The following DTNB variants were observed in gnomAD, a reference collection of about 807,000 sequenced individuals.
DTNB encodes the protein DTN-B.
A neutral mutation model predicts 90.7 loss-of-function variants in DTNB; 63 were observed. The observed-to-expected ratio is 0.69, with a 90% CI of 0.57 to 0.86. The LOEUF (loss-of-function observed/expected upper bound fraction) is 0.86. DTNB is among the 40% of genes least tolerant of loss of function. The pLI is 0.00. For missense variants in DTNB, 744 were observed against 807.1 expected (o/e 0.92, Z 0.95); for synonymous variants, 277 against 286.7 (o/e 0.97, Z 0.34).
intron 14 of DTNB, 194 bp from the exon 15 acceptor site, chr2:25,427,825 G>T: frequency 4.4e-6 from 2 of 452,948 alleles, no homozygotes; most frequent in Non-Finnish European, 7.8e-6. Flanking sequence ...GAGAATAATA[G>T]GTAAAAGTGC....
intron 9 of DTNB, among the ~76,000 whole-genome samples, chr2:25,498,436 T>C (rs1558771856): frequency 6.6e-6 from 1 of 151,934 alleles, no homozygotes; most frequent in Non-Finnish European, 1.5e-5. Context: ...ATCAGAAATA[T>C]AATAAAAACA....
chr2:25,461,076 G>A (rs1490160960), intron 10 of DTNB, among the ~76,000 whole-genome samples: 1 of 152,106 alleles, frequency 6.6e-6, no homozygotes, highest in East Asian at 1.9e-4. Flanking sequence ...GCTAATTTTT[G>A]TATTTTTAGT....
At chr2:25,481,411 T>TAAAA (rs5829978) in intron 10 of DTNB, among the ~76,000 whole-genome samples, 2 of 141,764 alleles carry the variant, frequency 1.4e-5, no homozygotes, top group Non-Finnish European at 3.0e-5. Flanking sequence ...TCTCCAAATT[T>TAAAA]AAAAAAAAAA....
At chr2:25,442,842 C>T (rs1057106033) in intron 12 of DTNB, among the ~76,000 whole-genome samples, 1 of 152,142 alleles carries the variant, frequency 6.6e-6, no homozygotes, top group African/African-American at 2.4e-5. Context: ...TTTGTAAAGT[C>T]ACATTGGGAA....
intron 3 of DTNB, among the ~76,000 whole-genome samples, chr2:25,636,284 T>C (rs1218913438): frequency 6.6e-6 from 1 of 152,186 alleles, no homozygotes; most frequent in African/African-American, 2.4e-5. Flanking sequence ...CAACTGAACA[T>C]ACATATGGAA....
In DTNB at chr2:25,387,739, T is replaced by G. The variant is rs908451174; in HGVS notation, c.1736-361A>C. ...ACCACTACCACCTCCCCTTCTCACCTCCAGCCCCAGCAGGACTTCCCTCTG... is the reference window on the plus strand; with the variant it reads ...ACCACTACCACCTCCCCTTCTCACCGCCAGCCCCAGCAGGACTTCCCTCTG... On this transcript the variant is annotated intron_variant, in intron 17 of 20. Coordinates refer to ENST00000406818, the MANE Select transcript of DTNB (RefSeq NM_021907.5). This position sits in a 1 kb window ranked among gnomAD's most constrained non-coding sequence, Gnocchi z 4.5. Among the ~76,000 whole-genome samples the G allele has an allele frequency of 6.6e-5, 10 of 152,060 alleles. No homozygotes were observed. Among genetic ancestry groups the G allele is most frequent in the African/African-American group, 2.4e-4 (10 of 41,382 alleles).
rs2069837628 is a variant in DTNB at position 25,499,229 on chromosome 2, G to A, written c.1002-16356C>T. Among the ~76,000 whole-genome samples, 3 of 151,972 alleles carry A rather than the reference G, an allele frequency of 2.0e-5. No homozygotes were observed. The South Asian group carries it at 6.2e-4, about 31-fold the overall frequency. On this transcript the variant is annotated intron_variant, in intron 9 of 20. Coordinates refer to ENST00000406818, the MANE Select transcript of DTNB (RefSeq NM_021907.5). The stretch of plus-strand genomic sequence containing the variant: ...AAAACAAAAACAACCATATCAGGAA[G>A]GAAAGGGGGGCAGTGGAGAGTGGGA...
chr2:25,668,342 C>T (rs761549931), intron 1 of DTNB, among the ~76,000 whole-genome samples: 1 of 152,188 alleles, frequency 6.6e-6, no homozygotes, highest in East Asian at 1.9e-4. Flanking sequence ...TCTGAGTAGG[C>T]TCCATACTAC....
chr2:25,619,139 A>G (rs1342706041), intron 4 of DTNB, among the ~76,000 whole-genome samples: 3 of 152,052 alleles, frequency 2.0e-5, no homozygotes, highest in Non-Finnish European at 4.4e-5. Context: ...TGCTATTCAA[A>G]TTAATACTTT....
At chr2:25,632,247 C>A (rs2075942505) in intron 3 of DTNB, among the ~76,000 whole-genome samples, 1 of 145,050 alleles carries the variant, frequency 6.9e-6, no homozygotes, top group African/African-American at 2.5e-5. Flanking sequence ...TAAAGCAAAT[C>A]TCAATAAATG....
At chr2:25,559,323 GAA>G (rs2057884626) in intron 8 of DTNB, among the ~76,000 whole-genome samples, 1 of 152,128 alleles carries the variant, frequency 6.6e-6, no homozygotes, top group Non-Finnish European at 1.5e-5. Flanking sequence ...GCTCTAGGAG[GAA>G]ACCTGGCATT....
chr2:25,569,226 A>G (rs1374268811), intron 8 of DTNB, among the ~76,000 whole-genome samples: 2 of 152,116 alleles, frequency 1.3e-5, no homozygotes, highest in Admixed American at 6.5e-5. Context: ...TACCCCATCC[A>G]AATCTGCAGG....
chr2:25,533,432 T>C (rs2078668276), intron 8 of DTNB, among the ~76,000 whole-genome samples: 1 of 152,200 alleles, frequency 6.6e-6, no homozygotes, highest in African/African-American at 2.4e-5. Context: ...CCCTAACTTC[T>C]TTCCATTTTC....
At chr2:25,390,368 T>C (rs1484063337) in intron 16 of DTNB, among the ~76,000 whole-genome samples, 2 of 152,190 alleles carry the variant, frequency 1.3e-5, no homozygotes, top group South Asian at 2.1e-4. Context: ...CAAACCATGA[T>C]ATGTAAAAAC....
chr2:25,378,834 A>C (rs1480098511), intron 20 of DTNB, among the ~76,000 whole-genome samples: 1 of 152,204 alleles, frequency 6.6e-6, no homozygotes, highest in Non-Finnish European at 1.5e-5. Flanking sequence ...CATGAATCAC[A>C]TGTCTGTGGG....
At chr2:25,611,765 G>C (rs188161881) in intron 4 of DTNB, among the ~76,000 whole-genome samples, 1 of 152,228 alleles carries the variant, frequency 6.6e-6, no homozygotes, top group East Asian at 1.9e-4. Flanking sequence ...CTTAAGTCCA[G>C]GGGTTTGGGA....
At chr2:25,545,346 C>T (rs1009239265) in intron 8 of DTNB, among the ~76,000 whole-genome samples, 7 of 152,158 alleles carry the variant, frequency 4.6e-5, no homozygotes, top group African/African-American at 1.7e-4. Context: ...CTGATTTTCC[C>T]TCACAGTAGA....
chr2:25,542,736 T>A (rs570890402), intron 8 of DTNB, among the ~76,000 whole-genome samples: 17 of 152,364 alleles, frequency 1.1e-4, no homozygotes, highest in East Asian at 5.8e-4. Context: ...CCATCTTGAA[T>A]CGGTTTTGGT....
chr2:25,564,138 T>TG (rs1180185455), intron 8 of DTNB, among the ~76,000 whole-genome samples: 1 of 152,124 alleles, frequency 6.6e-6, no homozygotes, highest in African/African-American at 2.4e-5. Context: ...CCTGACCTTG[T>TG]GATCCACCTG....
Sources: gnomAD v4.1 joint callset for allele counts (sites outside exome capture counted in the v4.1 genomes callset) on GRCh38, gnomAD v4.1.1 for gene constraint, Gnocchi (gnomAD v3.1) non-coding constraint, MANE v1.5 for transcripts, NCBI Gene and HGNC (gene_info 2026-07-23, HGNC 2026-07-21) for gene names.